CFAP119: variants seen among roughly 807,000 people sequenced by gnomAD.
CFAP119 encodes cilia and flagella associated protein 119.
chr16:30,758,929 GT>G, the CFAP119 span: 1 of 1,553,086 alleles, frequency 6.4e-7, no homozygotes, highest in Admixed American at 2.0e-5. Flanking sequence ...AAAACAAAAA[GT>G]CTGAAGTCCT....
chr16:30,759,371 T>G, the CFAP119 span: 1 of 1,614,052 alleles, frequency 6.2e-7, no homozygotes, highest in African/African-American at 1.3e-5. Flanking sequence ...TTATAGAGCT[T>G]GAAGTGGCGG....
the CFAP119 span, chr16:30,761,513 T>C: frequency 6.5e-7 from 1 of 1,535,304 alleles, no homozygotes; most frequent in Non-Finnish European, 8.7e-7. Flanking sequence ...TTTATAAATA[T>C]TCACGAGCAG....
chr16:30,761,658 C>G, the CFAP119 span: 2 of 1,535,956 alleles, frequency 1.3e-6, no homozygotes, highest in Non-Finnish European at 1.7e-6. Flanking sequence ...GAGCTGCGAT[C>G]CTTCCCCGCT....
At chr16:30,760,153 G>A in the CFAP119 span, 4 of 1,580,106 alleles carry the variant, frequency 2.5e-6, no homozygotes, top group African/African-American at 1.4e-5. Flanking sequence ...CTGATGGCTT[G>A]TGTATGATGA....
the CFAP119 span, chr16:30,761,870 C>T: frequency 1.1e-6 from 1 of 943,994 alleles, no homozygotes; most frequent in Middle Eastern, 3.4e-4. Flanking sequence ...CCAATCTACG[C>T]GCGGAGAGGC....
chr16:30,758,769 G>A, the CFAP119 span: 4 of 583,514 alleles, frequency 6.9e-6, no homozygotes, highest in Non-Finnish European at 1.2e-5. Flanking sequence ...TGCCCAGGCT[G>A]GTCGCGAACT....
chr16:30,758,798 G>C, the CFAP119 span: 1 of 762,768 alleles, frequency 1.3e-6, no homozygotes, highest in South Asian at 1.9e-5. Flanking sequence ...CAGGCAATCC[G>C]CCTGCCTCAG....
the CFAP119 span, chr16:30,759,217 C>T: frequency 6.2e-7 from 1 of 1,614,158 alleles, no homozygotes; most frequent in Non-Finnish European, 8.5e-7. Flanking sequence ...GGCTGTAGCC[C>T]CATGTAAGTC....
chr16:30,762,041 C>G, the CFAP119 span: 16 of 480,642 alleles, frequency 3.3e-5, no homozygotes, highest in Non-Finnish European at 5.9e-5. Context: ...CCTGGGCGCC[C>G]TCTCTTCCAG....
the CFAP119 span, chr16:30,759,160 C>T: frequency 6.2e-7 from 1 of 1,614,198 alleles, no homozygotes; most frequent in Non-Finnish European, 8.5e-7. Context: ...CCAGCCCTGC[C>T]CTGGCACTCT....
the CFAP119 span, chr16:30,758,803 C>T: frequency 3.8e-6 from 3 of 796,200 alleles, no homozygotes; most frequent in East Asian, 5.6e-5. Flanking sequence ...AATCCGCCTG[C>T]CTCAGATTGT....
At chr16:30,757,677 G>T in the CFAP119 span, 1 of 1,599,422 alleles carries the variant, frequency 6.3e-7, no homozygotes. Flanking sequence ...GGAAGAAGGG[G>T]CAGGGTGAGG....
the CFAP119 span, chr16:30,759,227 CAA>C: frequency 6.2e-7 from 1 of 1,614,158 alleles, no homozygotes; most frequent in Non-Finnish European, 8.5e-7. Flanking sequence ...CCATGTAAGT[CAA>C]AGACAGATCC....
At chr16:30,761,898 TG>T in the CFAP119 span, 1 of 759,210 alleles carries the variant, frequency 1.3e-6, no homozygotes, top group Non-Finnish European at 2.0e-6. Context: ...GGCGAATCCG[TG>T]GGGGCGTCTC....
chr16:30,761,501 G>A, the CFAP119 span: 18 of 1,533,466 alleles, frequency 1.2e-5, no homozygotes, highest in Non-Finnish European at 1.6e-5. Context: ...CGGGGGAGCC[G>A]GTTTATAAAT....
At chr16:30,760,658 C>A in the CFAP119 span, 1 of 1,549,204 alleles carries the variant, frequency 6.5e-7, no homozygotes, top group Non-Finnish European at 8.7e-7. Flanking sequence ...GAATGGACGT[C>A]CAGGTACTTC....
chr16:30,760,417 C>T, the CFAP119 span: 6 of 1,614,052 alleles, frequency 3.7e-6, no homozygotes, highest in Admixed American at 6.7e-5. Context: ...TCAGGCTCTG[C>T]TCAGGACACC....
At chr16:30,761,682 C>T in the CFAP119 span, 1 of 1,535,866 alleles carries the variant, frequency 6.5e-7, no homozygotes, top group Non-Finnish European at 8.7e-7. Context: ...CGCCGCAGCT[C>T]GGAGAGATGT....
the CFAP119 span, chr16:30,761,689 A>G: frequency 6.5e-7 from 1 of 1,535,676 alleles, no homozygotes; most frequent in Non-Finnish European, 8.7e-7. Context: ...GCTCGGAGAG[A>G]TGTTCAAGCT....
Sources: gnomAD v4.1 joint callset for allele counts on GRCh38, gnomAD v4.1.1 for gene constraint, MANE v1.5 for transcripts, NCBI Gene and HGNC (gene_info 2026-07-23, HGNC 2026-07-21) for gene names.